Variants in SPATA13 observed in about 807,000 individuals in gnomAD.
SPATA13 encodes spermatogenesis associated 13, also known as spermatogenesis-associated protein 13.
SPATA13 carries 50 observed loss-of-function variants against 104.0 expected under a neutral mutation model. That is an observed-to-expected ratio of 0.48 (90% confidence interval 0.38 to 0.61). The LOEUF (loss-of-function observed/expected upper bound fraction) is 0.61, where lower values mean the gene tolerates loss of function less well. Ranked by LOEUF, SPATA13 falls within the 20% of genes least tolerant of loss-of-function variation. The pLI is 0.00. For missense variants in SPATA13, 1,524 were observed against 1,690.6 expected (o/e 0.90, Z 1.73); for synonymous variants, 606 against 667.5 (o/e 0.91, Z 1.42).
intron 1 of SPATA13, among the ~76,000 whole-genome samples, chr13:24,191,701 A>G (rs1210675858): frequency 2.6e-5 from 4 of 151,558 alleles, no homozygotes; most frequent in Non-Finnish European, 5.9e-5. Flanking sequence ...TAGTAGAGAC[A>G]GGGTTTCACT....
At chr13:24,196,201 C>A (rs940557262) in intron 1 of SPATA13, among the ~76,000 whole-genome samples, 1 of 152,136 alleles carries the variant, frequency 6.6e-6, no homozygotes, top group Non-Finnish European at 1.5e-5. Flanking sequence ...ATAGTCAGTA[C>A]TCCTGTGGAG....
At chr13:24,090,658 C>A (rs1879881403) in intron 3 of SPATA13, among the ~76,000 whole-genome samples, 1 of 152,184 alleles carries the variant, frequency 6.6e-6, no homozygotes, top group Admixed American at 6.5e-5. Context: ...CCCCAACTTA[C>A]TGATGTTCCC....
intron 2 of SPATA13, among the ~76,000 whole-genome samples, chr13:23,984,937 A>G (rs1341820911): frequency 6.6e-6 from 1 of 152,232 alleles, no homozygotes; most frequent in Admixed American, 6.5e-5. Context: ...AAATCTGTGT[A>G]ACCGGCCGGC....
intron 1 of SPATA13, among the ~76,000 whole-genome samples, chr13:24,195,970 A>T (rs954327331): frequency 6.6e-6 from 1 of 152,210 alleles, no homozygotes; most frequent in Non-Finnish European, 1.5e-5. Context: ...AAAAATTAAA[A>T]ATTTAAGCAT....
At position 24,278,848 on chromosome 13, in the gene SPATA13, G is replaced by A. The variant is rs770931143; in HGVS notation, c.2165-5287G>A. The A allele has an allele frequency of 5.7e-6, 9 of 1,566,002 alleles. No individual in the cohort carries two copies. In the Admixed American group the frequency reaches 1.7e-4, roughly 30 times the overall value. ...CAAGTTCATCTGACCCCAAAGCCTTGCATGAAGTCCACATGCTGTTTTTCT... is the reference window on the plus strand; with the variant it reads ...CAAGTTCATCTGACCCCAAAGCCTTACATGAAGTCCACATGCTGTTTTTCT... On this transcript the variant is annotated intron_variant, in intron 4 of 12. Coordinates refer to ENST00000382108, the MANE Select transcript of SPATA13 (RefSeq NM_001166271.3).
rs550031644 is a variant in SPATA13 at position 24,216,722 on chromosome 13, G to A, written c.-111-6097G>A. ...AGGCCTGGGGAATAACTTCATCTCT[G>A]AAATTAGGACCTTGGATGCTTTCTC... is the stretch of plus-strand genomic sequence containing the variant. On this transcript the variant is annotated intron_variant, in intron 1 of 12. Transcript: ENST00000382108. Among the ~76,000 whole-genome samples the A allele has an allele frequency of 2.6e-3, 392 of 152,312 alleles. 1 individual carries two copies. Among genetic ancestry groups the A allele is most frequent in the African/African-American group, 9.1e-3 (378 of 41,570 alleles).
intron 3 of SPATA13, among the ~76,000 whole-genome samples, chr13:24,152,219 A>G (rs894100712): frequency 9.2e-5 from 14 of 152,226 alleles, no homozygotes; most frequent in Admixed American, 2.6e-4. Context: ...TTTTGCATGG[A>G]TAATGCCTTG....
intron 2 of SPATA13, among the ~76,000 whole-genome samples, chr13:23,995,566 T>C (rs933116162): frequency 6.6e-6 from 1 of 152,208 alleles, no homozygotes; most frequent in Non-Finnish European, 1.5e-5. Flanking sequence ...GACTGAGGTT[T>C]TCCCTTTGAG....
chr13:24,038,258 A>C (rs2137725219), intron 3 of SPATA13, among the ~76,000 whole-genome samples: 1 of 152,230 alleles, frequency 6.6e-6, no homozygotes, highest in South Asian at 2.1e-4. Flanking sequence ...TCTTTTTTAC[A>C]GTTTTTAAAC....
At position 24,249,551 on chromosome 13, in the gene SPATA13, G is replaced by A. The variant is rs767923080; in HGVS notation, c.1728G>A (p.Lys576=). 1 of 1,613,492 alleles carries A rather than the reference G, an allele frequency of 6.2e-7. No homozygotes were observed. Among genetic ancestry groups the A allele is most frequent in the South Asian group, 1.1e-5 (1 of 91,064 alleles). The change falls in exon 3 of 13, where the codon AAG becomes AAA. Residue 576 remains lysine (K), a synonymous_variant. Coordinates refer to ENST00000382108, the MANE Select transcript of SPATA13 (RefSeq NM_001166271.3). ...GGACAGAGGCACAGAGAACCCCCAA[G>A]AGGAGATGGGGCTCTGGGAGACGGC... ...EERTEAQRTP[K]RRWGSGRRPR...
At chr13:24,245,955 G>A (rs1022944888) in intron 2 of SPATA13, among the ~76,000 whole-genome samples, 1 of 152,048 alleles carries the variant, frequency 6.6e-6, no homozygotes, top group Non-Finnish European at 1.5e-5. Context: ...GAATGATCCC[G>A]AGTCCTGCCC....
At chr13:24,171,418 C>T (rs1040957694) in intron 1 of SPATA13, among the ~76,000 whole-genome samples, 1 of 152,214 alleles carries the variant, frequency 6.6e-6, no homozygotes, top group Non-Finnish European at 1.5e-5. Context: ...TGCCATCACA[C>T]GTGTCTCACG....
chr13:24,113,886 A>AG (rs1880737727), intron 3 of SPATA13, among the ~76,000 whole-genome samples: 1 of 151,622 alleles, frequency 6.6e-6, no homozygotes, highest in Admixed American at 6.6e-5. Flanking sequence ...AAAAAAAAAA[A>AG]AAAAGAAAGA....
chr13:24,263,095 G>C (rs913321650), intron 4 of SPATA13, among the ~76,000 whole-genome samples: 4 of 152,162 alleles, frequency 2.6e-5, no homozygotes, highest in Non-Finnish European at 2.9e-5. Flanking sequence ...AAAAAGAAAA[G>C]CCGTAGCAGG....
At chr13:24,280,656 A>G (rs1450474226) in intron 4 of SPATA13, among the ~76,000 whole-genome samples, 3 of 152,136 alleles carry the variant, frequency 2.0e-5, no homozygotes, top group African/African-American at 7.2e-5. Flanking sequence ...GAGCATCAGG[A>G]TATCTCGGCC....
In SPATA13 at chr13:24,055,208, A is replaced by G. The variant is rs889200914; in HGVS notation, c.-112+37507A>G. Among the ~76,000 whole-genome samples the G allele has an allele frequency of 2.1e-4, 32 of 152,344 alleles. 1 individual carries two copies. The highest frequency in any genetic ancestry group is 7.0e-4 in the African/African-American group (29 of 41,578). ...TGTGAAAATCTTATACACTTAAATG[A>G]CATCAGTTTCTATCTTGTTGTTGTT... On this transcript the variant is annotated intron_variant, in intron 3 of 14. Transcript: ENST00000424834.
chr13:24,249,339 A>C, intron 2 of SPATA13, 138 bp from the exon 3 acceptor site: 1 of 1,107,264 alleles, frequency 9.0e-7, no homozygotes, highest in Non-Finnish European at 1.3e-6. Flanking sequence ...GTTCTAGTAC[A>C]CAAATAACTG....
chr13:24,227,309 T>C (rs1386200611), intron 2 of SPATA13, among the ~76,000 whole-genome samples: 1 of 152,250 alleles, frequency 6.6e-6, no homozygotes, highest in Non-Finnish European at 1.5e-5. Flanking sequence ...ATTTTATTCC[T>C]GAGAACCTGT....
At chr13:24,135,200 T>C (rs1043472388) in intron 3 of SPATA13, among the ~76,000 whole-genome samples, 1 of 144,956 alleles carries the variant, frequency 6.9e-6, no homozygotes, top group Non-Finnish European at 1.5e-5. Flanking sequence ...CCCTAACAAA[T>C]GAATACACTC....
Sources: gnomAD v4.1 joint callset for allele counts (sites outside exome capture counted in the v4.1 genomes callset) on GRCh38, gnomAD v4.1.1 for gene constraint, MANE v1.5 for transcripts, NCBI Gene and HGNC (gene_info 2026-07-23, HGNC 2026-07-21) for gene names.